The following FHOD3 variants were observed in gnomAD, a reference collection of about 807,000 sequenced individuals.
FHOD3 encodes the protein FH1/FH2 domain-containing protein 3.
Under a neutral mutation model 173.0 loss-of-function variants are expected in FHOD3, and 90 were observed. That is an observed-to-expected ratio of 0.52 (90% CI 0.44 to 0.62). The LOEUF (loss-of-function observed/expected upper bound fraction) is 0.62. Ranked by LOEUF, FHOD3 falls within the 20% of genes least tolerant of loss-of-function variation. FHOD3 has a pLI of 0.00. For synonymous variants in FHOD3, 828 were observed against 823.0 expected (o/e 1.01, Z -0.10); for missense variants, 1,945 against 2,034.7 (o/e 0.96, Z 0.85).
chr18:36,554,788 G>T (rs997440347), intron 5 of FHOD3, among the ~76,000 whole-genome samples: 1 of 152,186 alleles, frequency 6.6e-6, no homozygotes, highest in African/African-American at 2.4e-5. Flanking sequence ...TTATCTATTT[G>T]TTCTTGAATG....
At chr18:36,336,024 C>T (rs1407030369) in intron 1 of FHOD3, among the ~76,000 whole-genome samples, 1 of 152,190 alleles carries the variant, frequency 6.6e-6, no homozygotes, top group Admixed American at 6.5e-5. Flanking sequence ...TCTTACACCA[C>T]ACACATCTGG....
chr18:36,333,219 A>G (rs999533582), intron 1 of FHOD3, among the ~76,000 whole-genome samples: 1 of 152,164 alleles, frequency 6.6e-6, no homozygotes, highest in Non-Finnish European at 1.5e-5. Context: ...TCTAGACTTT[A>G]TCGGGTTCTA....
chr18:36,742,700 T>C (rs1237331686), intron 21 of FHOD3, 37 bp from the exon 22 acceptor site: 5 of 1,593,236 alleles, frequency 3.1e-6, no homozygotes, highest in Non-Finnish European at 4.3e-6. Context: ...ACCCAAATTG[T>C]ACACTCTTTA....
intron 9 of FHOD3, among the ~76,000 whole-genome samples, chr18:36,624,748 G>A (rs1307121627): frequency 6.6e-6 from 1 of 151,998 alleles, no homozygotes; most frequent in East Asian, 1.9e-4. Flanking sequence ...ATGTAAGCCG[G>A]AGTGGCAAAG....
intron 24 of FHOD3, among the ~76,000 whole-genome samples, chr18:36,753,693 A>G (rs554367211): frequency 2.6e-5 from 4 of 152,162 alleles, no homozygotes; most frequent in Non-Finnish European, 5.9e-5. Flanking sequence ...AAAGGGTCCA[A>G]TTTCTCCACA....
intron 1 of FHOD3, among the ~76,000 whole-genome samples, chr18:36,341,477 G>A (rs2045615391): frequency 1.3e-5 from 2 of 152,176 alleles, no homozygotes; most frequent in Admixed American, 1.3e-4. Context: ...TTTTCATCTT[G>A]ATGTATTTAC....
chr18:36,653,636 C>T (rs900777225), intron 13 of FHOD3, among the ~76,000 whole-genome samples: 2 of 152,076 alleles, frequency 1.3e-5, no homozygotes, highest in Admixed American at 6.5e-5. Flanking sequence ...TCAGAACTCC[C>T]CCAAGAATGT....
chr18:36,413,838 C>T (rs1017003877), intron 3 of FHOD3, among the ~76,000 whole-genome samples: 1 of 152,192 alleles, frequency 6.6e-6, no homozygotes, highest in Non-Finnish European at 1.5e-5. Flanking sequence ...GTGCAACCAT[C>T]ACCAAAAAGT....
intron 1 of FHOD3, among the ~76,000 whole-genome samples, chr18:36,328,404 G>T (rs1415714151): frequency 2.6e-5 from 4 of 152,124 alleles, no homozygotes; most frequent in African/African-American, 9.7e-5. Flanking sequence ...ATGGGAGTGT[G>T]CCTAGCATGT....
At chr18:36,642,348 A>G (rs9952275) in intron 10 of FHOD3, among the ~76,000 whole-genome samples, 10,751 of 152,148 alleles carry the variant, frequency 0.071, 647 homozygotes, top group East Asian at 0.24. Context: ...GGCCAGGCGC[A>G]GTGGTTCATG....
chr18:36,557,025 GA>G (rs2057915091), intron 5 of FHOD3, among the ~76,000 whole-genome samples: 1 of 152,094 alleles, frequency 6.6e-6, no homozygotes, highest in Admixed American at 6.5e-5. Context: ...TCTTCAGTAG[GA>G]AATTTGCTGC....
chr18:36,465,045 T>C (rs2052827211), intron 3 of FHOD3, among the ~76,000 whole-genome samples: 1 of 152,146 alleles, frequency 6.6e-6, no homozygotes, highest in Non-Finnish European at 1.5e-5. Context: ...AAGTTAGACA[T>C]GGCTGGGCGC....
chr18:36,358,459 G>A (rs771844614), intron 2 of FHOD3, among the ~76,000 whole-genome samples: 4 of 152,156 alleles, frequency 2.6e-5, no homozygotes, highest in Non-Finnish European at 4.4e-5. Flanking sequence ...CCTGGTTCTT[G>A]TATTCTCACT....
At chr18:36,492,956 C>A (rs2054543000) in intron 3 of FHOD3, among the ~76,000 whole-genome samples, 2 of 152,194 alleles carry the variant, frequency 1.3e-5, no homozygotes, top group South Asian at 2.1e-4. Flanking sequence ...CATCATACGG[C>A]CAATTCCATT....
chr18:36,536,509 C>G (rs1262431888), intron 5 of FHOD3, among the ~76,000 whole-genome samples: 1 of 152,256 alleles, frequency 6.6e-6, no homozygotes, highest in Non-Finnish European at 1.5e-5. Flanking sequence ...ACTCTTTCTG[C>G]TCTGCACACA....
chr18:36,375,773 G>A (rs75894662), intron 3 of FHOD3, among the ~76,000 whole-genome samples: 15 of 152,230 alleles, frequency 9.9e-5, no homozygotes, highest in African/African-American at 3.6e-4. Flanking sequence ...TGGTAGTGTA[G>A]TGGCTCTGAA....
chr18:36,780,067 CT>C lies in FHOD3; in HGVS notation c.*541del. The stretch of plus-strand genomic sequence containing the variant: ...TAGAGTTTAATGCCATAATGAGAAA[CT>C]TTTATTCTTCTGGGAACAGGACCTT... On this transcript the variant is annotated 3_prime_UTR_variant, in exon 29 of 29. Transcript: ENST00000590592. The C allele has an allele frequency of 9.2e-7, 1 of 1,090,432 alleles. No homozygotes were observed. Among genetic ancestry groups the C allele is most frequent in the Non-Finnish European group, 1.2e-6 (1 of 858,520 alleles). The allele number at this position is 1,090,432 out of a possible 1,614,324, so 67.5% of individuals were successfully genotyped here. A position where few individuals can be genotyped will look rare whatever the true frequency, so the allele number is the denominator to read the frequency against.
In FHOD3 at chr18:36,297,914, C is replaced by T. The variant is rs2091837027; in HGVS notation, c.79C>T (p.Arg27Trp). 1.3e-6 allele frequency: 2 copies of T among 1,559,630 alleles called. No homozygotes were observed. Among genetic ancestry groups the T allele is most frequent in the South Asian group, 1.2e-5 (1 of 84,300 alleles). The change falls in exon 1 of 29, where the codon CGG (arginine) becomes TGG (tryptophan). Residue 27 changes from arginine to tryptophan, a missense_variant. Arg to Trp is a moderately radical substitution (Grantham distance 101). Around this residue, in one of 5 missense-constraint regions of FHOD3, gnomAD observed 245 missense variants for 267.7 expected, o/e 0.92. Coordinates refer to ENST00000590592, the MANE Select transcript of FHOD3 (RefSeq NM_001281740.3). ...FNSTNFPEPS[R>W]PPLFTFREDL... ...CAGCACCAACTTCCCCGAGCCCAGC[C>T]GGCCGCCGCTGTTCACGTTCCGCGA...
intron 6 of FHOD3, among the ~76,000 whole-genome samples, chr18:36,582,120 A>C (rs912980066): frequency 2.6e-5 from 4 of 152,202 alleles, no homozygotes; most frequent in Non-Finnish European, 5.9e-5. Context: ...GTTGGCAAGA[A>C]AACTTTGGAC....
Sources: allele counts gnomAD v4.1 joint callset (sites outside exome capture counted in the v4.1 genomes callset), GRCh38; gene constraint gnomAD v4.1.1; regional missense constraint gnomAD v4.1.1; transcripts MANE v1.5; gene names NCBI Gene and HGNC (gene_info 2026-07-23, HGNC 2026-07-21).